KCNJ6: variants seen among roughly 807,000 people sequenced by gnomAD.
KCNJ6 encodes the protein G protein-activated inward rectifier potassium channel 2.
KCNJ6 carries 9 observed loss-of-function variants against 34.2 expected under a neutral mutation model. The observed-to-expected ratio is 0.26, with a 90% CI of 0.16 to 0.46. The LOEUF is 0.46. Ranked by LOEUF, KCNJ6 falls within the 20% of genes least tolerant of loss-of-function variation. The pLI is 1.00. For synonymous variants in KCNJ6, 196 were observed against 207.1 expected, an observed-to-expected ratio of 0.95 and a Z score of 0.46; for missense variants, 236 against 531.3, an observed-to-expected ratio of 0.44 and a Z score of 5.46.
rs1389546779 is a variant in KCNJ6, at chr21:37,840,702, T to G, written c.-20A>C. On this transcript the variant is annotated 5_prime_UTR_variant, in exon 2 of 4. Transcript: ENST00000609713. ...GGCCATTGTTGCAGTTTCTTCTTTG[T>G]GCTTTTCCTGGAGGTGAGAAGAAAA... 1.3e-6 allele frequency: 2 copies of G among 1,581,610 alleles called. No homozygotes were observed. The highest frequency in any genetic ancestry group is 2.7e-5 in the African/African-American group (2 of 74,112).
intron 2 of KCNJ6, among the ~76,000 whole-genome samples, chr21:37,749,217 G>A (rs1264115464): frequency 2.6e-5 from 4 of 152,224 alleles, no homozygotes; most frequent in East Asian, 1.9e-4. Context: ...AGCTGGTCTC[G>A]AGGGCATCTT....
At chr21:37,654,450 C>CCAAA (rs2054448527) in intron 3 of KCNJ6, among the ~76,000 whole-genome samples, 1 of 151,602 alleles carries the variant, frequency 6.6e-6, no homozygotes, top group Non-Finnish European at 1.5e-5. Flanking sequence ...TTCCTAATAA[C>CCAAA]TCTTCCCATA....
At chr21:37,912,518 A>T (rs1248619913) in intron 1 of KCNJ6, among the ~76,000 whole-genome samples, 2 of 152,230 alleles carry the variant, frequency 1.3e-5, no homozygotes, top group African/African-American at 4.8e-5. Context: ...GTATAGCTTC[A>T]TCCTCATAAT....
At chr21:37,802,477 G>T (rs772705881) in intron 2 of KCNJ6, among the ~76,000 whole-genome samples, 1 of 152,170 alleles carries the variant, frequency 6.6e-6, no homozygotes, top group African/African-American at 2.4e-5. Flanking sequence ...AAAGAAAAAG[G>T]GTGATGTGAT....
chr21:37,843,250 G>A (rs1463185528), intron 1 of KCNJ6, among the ~76,000 whole-genome samples: 1 of 152,118 alleles, frequency 6.6e-6, no homozygotes, highest in African/African-American at 2.4e-5. Context: ...TTGTTCAGAT[G>A]TGCTGGATAT....
rs985023140 is a variant in KCNJ6, at chr21:37,714,071, A to T, written c.946+140T>A. 2 of 687,180 alleles carry T rather than the reference A, an allele frequency of 2.9e-6. No homozygotes were observed. Among genetic ancestry groups the T allele is most frequent in the African/African-American group, 3.6e-5 (2 of 56,162 alleles). 42.6% of individuals were successfully genotyped at this position (687,180 alleles called of 1,614,324 possible). On this transcript the variant is annotated intron_variant, in intron 3 of 3. Coordinates refer to ENST00000609713, the MANE Select transcript of KCNJ6 (RefSeq NM_002240.5). This position sits in a 1 kb window ranked among gnomAD's most constrained non-coding sequence, Gnocchi z 5.9. ...TATACTTCAGGTGAGACATGTAGGC[A>T]TACTATGTCATGAAGCAAGGGGATG... is the stretch of plus-strand genomic sequence containing the variant.
chr21:37,903,785 T>C (rs1416906467), intron 1 of KCNJ6, among the ~76,000 whole-genome samples: 3 of 151,870 alleles, frequency 2.0e-5, no homozygotes, highest in Non-Finnish European at 4.4e-5. Context: ...ATTCTTTACC[T>C]GAAGAAAGAA....
At position 37,630,134 on chromosome 21, in the gene KCNJ6, C is replaced by CTGTGTGTGTGTG. The variant is rs10527592; in HGVS notation, c.947-4662_947-4651dup. Among the ~76,000 whole-genome samples, 674 of 144,236 alleles carry CTGTGTGTGTGTG rather than the reference C, an allele frequency of 4.7e-3. 6 individuals are homozygous for CTGTGTGTGTGTG. Among genetic ancestry groups the CTGTGTGTGTGTG allele is most frequent in the African/African-American group, 0.011 (431 of 38,824 alleles). The allele number at this position is 144,236 out of a possible 152,430, so 94.6% of individuals were successfully genotyped here. ...AGGCAGAACTGCCAAGATGACATCT[C>CTGTGTGTGTGTG]TGTGTGTGTGTGTGTGTGTGTGTGG... is the stretch of plus-strand genomic sequence containing the variant. On this transcript the variant is annotated intron_variant, in intron 3 of 3. Coordinates refer to ENST00000609713, the MANE Select transcript of KCNJ6 (RefSeq NM_002240.5).
At chr21:37,870,324 A>T (rs2055644692) in intron 1 of KCNJ6, among the ~76,000 whole-genome samples, 1 of 151,768 alleles carries the variant, frequency 6.6e-6, no homozygotes, top group Non-Finnish European at 1.5e-5. Flanking sequence ...ATATGCCATC[A>T]ATAGCCAGCA....
intron 3 of KCNJ6, among the ~76,000 whole-genome samples, chr21:37,656,011 C>A (rs548968747): frequency 2.6e-5 from 4 of 152,208 alleles, no homozygotes; most frequent in Non-Finnish European, 5.9e-5. Context: ...GGGGGCCTTC[C>A]TGGACCCTCA....
chr21:37,864,036 C>T (rs923084745), intron 1 of KCNJ6, among the ~76,000 whole-genome samples: 10 of 151,540 alleles, frequency 6.6e-5, no homozygotes, highest in Non-Finnish European at 1.5e-4. Context: ...GGCTTGAGGC[C>T]GGTTTCAGTC....
intron 2 of KCNJ6, among the ~76,000 whole-genome samples, chr21:37,819,874 C>A (rs1316638162): frequency 1.3e-5 from 2 of 151,978 alleles, no homozygotes; most frequent in Non-Finnish European, 2.9e-5. Flanking sequence ...ACCTCTGCCC[C>A]CTGTGTTCAA....
intron 1 of KCNJ6, among the ~76,000 whole-genome samples, chr21:37,866,575 G>A (rs2123608030): frequency 6.6e-6 from 1 of 152,328 alleles, no homozygotes; most frequent in Non-Finnish European, 1.5e-5. Flanking sequence ...CATTCAAATG[G>A]AATGACCAGC....
Position 37,695,668 on chromosome 21 carries a change from C to G in KCNJ6, c.946+18543G>C, listed in dbSNP as rs372790171. Among the ~76,000 whole-genome samples the G allele has an allele frequency of 6.6e-6, 1 of 152,274 alleles. No individual in the cohort carries two copies. Among genetic ancestry groups the G allele is most frequent in the South Asian group, 2.1e-4 (1 of 4,818 alleles). On this transcript the variant is annotated intron_variant, in intron 3 of 3. Transcript: ENST00000609713. This position sits in a 1 kb window ranked among gnomAD's most constrained non-coding sequence, Gnocchi z 4.2. ...TTGAGCTATGAGTTTAGTTCAGATA[C>G]GTGTACTTAGCAGCCAGTTAAGCTG...
intron 2 of KCNJ6, among the ~76,000 whole-genome samples, chr21:37,787,976 T>G (rs2055200009): frequency 6.6e-6 from 1 of 152,166 alleles, no homozygotes. Flanking sequence ...ATATCTTCTT[T>G]AAGGTCATGG....
At chr21:37,667,166 A>AAAAAAAAAAAAAAAAAAAAAAAAAAT (rs2054518210) in intron 3 of KCNJ6, among the ~76,000 whole-genome samples, 1 of 116,836 alleles carries the variant, frequency 8.6e-6, no homozygotes. Context: ...AAAAAAAAAA[A>AAAAAAAAAAAAAAAAAAAAAAAAAAT]AAAAAAAAAA....
At chr21:37,758,991 C>T (rs1478832735) in intron 2 of KCNJ6, among the ~76,000 whole-genome samples, 1 of 152,198 alleles carries the variant, frequency 6.6e-6, no homozygotes, top group African/African-American at 2.4e-5. Context: ...CTCAGCCCTG[C>T]TCACATGGGT....
chr21:37,656,102 C>A (rs892134012), intron 3 of KCNJ6, among the ~76,000 whole-genome samples: 1 of 152,142 alleles, frequency 6.6e-6, no homozygotes, highest in African/African-American at 2.4e-5. Context: ...GGACATGGTG[C>A]CTGGACTCAG....
At chr21:37,651,083 T>C (rs1160787464) in intron 3 of KCNJ6, among the ~76,000 whole-genome samples, 1 of 152,172 alleles carries the variant, frequency 6.6e-6, no homozygotes, top group African/African-American at 2.4e-5. Context: ...GTATAAAACT[T>C]GTAATGAGTT....
Sources: allele counts gnomAD v4.1 joint callset (sites outside exome capture counted in the v4.1 genomes callset), GRCh38; gene constraint gnomAD v4.1.1; non-coding constraint Gnocchi (gnomAD v3.1); transcripts MANE v1.5; gene names NCBI Gene and HGNC (gene_info 2026-07-23, HGNC 2026-07-21).